The following HOOK1 variants were observed in gnomAD, a reference collection of about 807,000 sequenced individuals.
HOOK1 encodes protein Hook homolog 1.
In HOOK1, 60 loss-of-function variants were observed where a neutral mutation model predicts 112.8. The ratio of observed to expected loss-of-function variants is 0.53; its 90% CI spans 0.43 to 0.66. HOOK1 has a LOEUF of 0.66. Among genes scored for constraint, HOOK1 ranks in the 30% least tolerant of loss-of-function variants. The probability of loss-of-function intolerance (pLI) is 0.00; values close to 1 mark genes in which losing one functional copy is unlikely to be tolerated. For missense variants in HOOK1, 770 were observed against 856.0 expected, an observed-to-expected ratio of 0.90 and a Z score of 1.25; for synonymous variants, 294 against 283.8, an observed-to-expected ratio of 1.04 and a Z score of -0.36.
chr1:59,831,620 C>T (rs1040071991), intron 3 of HOOK1, among the ~76,000 whole-genome samples: 1 of 152,190 alleles, frequency 6.6e-6, no homozygotes, highest in African/African-American at 2.4e-5. Flanking sequence ...CCAGGCCTTC[C>T]TGAACTTCTA....
intron 7 of HOOK1, among the ~76,000 whole-genome samples, chr1:59,838,061 A>G (rs961982002): frequency 6.6e-6 from 1 of 152,108 alleles, no homozygotes; most frequent in African/African-American, 2.4e-5. Context: ...TCCATGGTGT[A>G]TATGTGCCAC....
chr1:59,864,843 C>A, intron 17 of HOOK1, 177 bp downstream of exon 17: 1 of 570,794 alleles, frequency 1.8e-6, no homozygotes, highest in East Asian at 3.0e-5. Context: ...ACCCCCGTTC[C>A]AAACTCCTAC....
At chr1:59,816,917 C>T (rs1456394195) in intron 1 of HOOK1, among the ~76,000 whole-genome samples, 1 of 152,200 alleles carries the variant, frequency 6.6e-6, no homozygotes, top group Non-Finnish European at 1.5e-5. Flanking sequence ...ATTGCCCATA[C>T]TTAAGAATAA....
rs1428452910 is a variant in HOOK1, at chr1:59,847,030, T to C, written c.789-15T>C. ...TCATGGAAGTTATAAATACTTACTTTTTTATTTGTTCAAGGCTTGAAGCTG... is the reference window on the plus strand; with the variant it reads ...TCATGGAAGTTATAAATACTTACTTCTTTATTTGTTCAAGGCTTGAAGCTG... On this transcript the variant is annotated splice_polypyrimidine_tract_variant and intron_variant, in intron 9 of 21. Transcript: ENST00000371208. 1 of 1,564,412 alleles carries C rather than the reference T, an allele frequency of 6.4e-7. No homozygotes were observed. Among genetic ancestry groups the C allele is most frequent in the Non-Finnish European group, 8.6e-7 (1 of 1,160,918 alleles).
chr1:59,821,331 A>C (rs2098385457), intron 1 of HOOK1, among the ~76,000 whole-genome samples: 1 of 152,244 alleles, frequency 6.6e-6, no homozygotes, highest in African/African-American at 2.4e-5. Context: ...ACTTGACGTG[A>C]TAGATAGGGC....
chr1:59,852,216 A>C (rs570006505), intron 12 of HOOK1, among the ~76,000 whole-genome samples: 1 of 151,756 alleles, frequency 6.6e-6, no homozygotes, highest in Non-Finnish European at 1.5e-5. Flanking sequence ...GGGAAAGTTC[A>C]TGAAAATTGG....
rs573355318 is a variant in HOOK1, at chr1:59,823,193, G to A, written c.149+1250G>A. ...AAATTAGCCAGGCATGGTGGCGGGC[G>A]CCTGTAGTCCCAGCTACTCGGGAGG... On this transcript the variant is annotated intron_variant, in intron 2 of 21. Transcript: ENST00000371208. Among the ~76,000 whole-genome samples, 464 of 152,226 alleles carry A rather than the reference G, an allele frequency of 3.0e-3. 2 individuals are homozygous for A. The highest frequency in any genetic ancestry group is 4.3e-3 in the Non-Finnish European group (290 of 68,024).
chr1:59,847,509 T>C (rs946438022), intron 10 of HOOK1, among the ~76,000 whole-genome samples: 6 of 151,606 alleles, frequency 4.0e-5, no homozygotes, highest in African/African-American at 1.2e-4. Flanking sequence ...TTGTGAAATT[T>C]TTGTGTAAGG....
intron 1 of HOOK1, among the ~76,000 whole-genome samples, chr1:59,819,513 C>T (rs1216860213): frequency 6.6e-6 from 1 of 152,152 alleles, no homozygotes; most frequent in East Asian, 1.9e-4. Context: ...TGAGTGAAAT[C>T]AAATTACATT....
At chr1:59,856,903 A>G (rs761982806) in intron 12 of HOOK1, among the ~76,000 whole-genome samples, 3 of 152,058 alleles carry the variant, frequency 2.0e-5, no homozygotes, top group African/African-American at 2.4e-5. Flanking sequence ...TTTTCTGGGC[A>G]TGTGCACAGC....
intron 10 of HOOK1, 103 bp downstream of exon 10, chr1:59,847,288 A>G: frequency 3.0e-6 from 3 of 993,778 alleles, no homozygotes; most frequent in Non-Finnish European, 4.5e-6. Flanking sequence ...ATTCCTGTAT[A>G]TCAAGTATTG....
chr1:59,865,876 A>G lies in HOOK1; in HGVS notation c.1749A>G (p.Gln583=). ...TCATTTTATTTTTACTAATAGTACAAAAGATCAATGAACTTGAAGCTGCTC... is the reference window on the plus strand; with the variant it reads ...TCATTTTATTTTTACTAATAGTACAGAAGATCAATGAACTTGAAGCTGCTC... ...DLQPDINQNV[Q]KINELEAALQ... is the part of the protein sequence containing the mutation. The change falls in exon 19 of 22, where the codon CAA becomes CAG. Residue 583 remains glutamine, a synonymous_variant. Transcript: ENST00000371208. 6.5e-7 allele frequency: 1 copy of G among 1,545,092 alleles called. No individual in the cohort carries two copies. Among genetic ancestry groups the G allele is most frequent in the Non-Finnish European group, 8.8e-7 (1 of 1,131,668 alleles).
At chr1:59,854,039 T>TATATATATATATATATATA (rs1491471675) in intron 12 of HOOK1, among the ~76,000 whole-genome samples, 1 of 14,104 alleles carries the variant, frequency 7.1e-5, no homozygotes, top group Non-Finnish European at 1.2e-4. Flanking sequence ...TATATATATA[T>TATATATATATATATATATA]TTTTTTTTTT....
intron 1 of HOOK1, among the ~76,000 whole-genome samples, chr1:59,815,678 C>T (rs550639754): frequency 4.5e-4 from 68 of 152,128 alleles, no homozygotes; most frequent in African/African-American, 1.6e-3. Flanking sequence ...TGTTTTAGTT[C>T]CCGGACCAAT....
intron 12 of HOOK1, among the ~76,000 whole-genome samples, chr1:59,854,854 T>C (rs1466885817): frequency 5.3e-5 from 8 of 152,224 alleles, no homozygotes; most frequent in African/African-American, 1.9e-4. Flanking sequence ...AAAATTTGAT[T>C]TCCAGATTTG....
chr1:59,830,557 T>C (rs2098393148), intron 3 of HOOK1, among the ~76,000 whole-genome samples: 1 of 152,174 alleles, frequency 6.6e-6, no homozygotes, highest in Middle Eastern at 3.2e-3. Flanking sequence ...TTTTCCATTC[T>C]TTTAATCTGC....
intron 15 of HOOK1, among the ~76,000 whole-genome samples, chr1:59,861,593 A>G (rs1430284916): frequency 6.6e-6 from 1 of 152,214 alleles, no homozygotes; most frequent in Non-Finnish European, 1.5e-5. Flanking sequence ...GTAGTAACCA[A>G]TAGCTCTTTT....
At chr1:59,822,762 G>A (rs756515989) in intron 2 of HOOK1, among the ~76,000 whole-genome samples, 1 of 152,116 alleles carries the variant, frequency 6.6e-6, no homozygotes, top group Non-Finnish European at 1.5e-5. Flanking sequence ...CCATCATCTT[G>A]TAAAGATTTG....
intron 20 of HOOK1, among the ~76,000 whole-genome samples, chr1:59,870,144 A>G (rs1559064493): frequency 6.6e-6 from 1 of 152,226 alleles, no homozygotes; most frequent in Non-Finnish European, 1.5e-5. Flanking sequence ...TGCTCTGTTT[A>G]TGTCCCAGTG....
Sources: gnomAD v4.1 joint callset for allele counts (sites outside exome capture counted in the v4.1 genomes callset) on GRCh38, gnomAD v4.1.1 for gene constraint, MANE v1.5 for transcripts, NCBI Gene and HGNC (gene_info 2026-07-23, HGNC 2026-07-21) for gene names.